The following AGBL4 variants were observed in gnomAD, a reference collection of about 807,000 sequenced individuals.
AGBL4 encodes the protein AGBL carboxypeptidase 4.
In AGBL4, 58 loss-of-function variants were observed where a neutral mutation model predicts 66.4. The observed-to-expected ratio is 0.87, with a 90% CI of 0.71 to 1.09. AGBL4 has a LOEUF of 1.09. Among genes scored for constraint, AGBL4 ranks in the 50% least tolerant of loss-of-function variants. The probability of loss-of-function intolerance (pLI) is 0.00; values close to 1 mark genes in which losing one functional copy is unlikely to be tolerated. For missense variants in AGBL4, 579 were observed against 631.0 expected, an observed-to-expected ratio of 0.92 and a Z score of 0.88; for synonymous variants, 234 against 222.9, an observed-to-expected ratio of 1.05 and a Z score of -0.44.
At chr1:49,355,408 T>G (rs1643999010) in intron 3 of AGBL4, among the ~76,000 whole-genome samples, 1 of 152,186 alleles carries the variant, frequency 6.6e-6, no homozygotes. Flanking sequence ...TTCTTCTGAC[T>G]CTGCCTAACA....
At chr1:49,587,679 G>A (rs1644677263) in intron 3 of AGBL4, among the ~76,000 whole-genome samples, 1 of 151,936 alleles carries the variant, frequency 6.6e-6, no homozygotes, top group African/African-American at 2.4e-5. Flanking sequence ...ACAGTTCCTT[G>A]GCAACACAAC....
chr1:48,662,346 G>A (rs911707016), intron 7 of AGBL4, among the ~76,000 whole-genome samples: 1 of 152,166 alleles, frequency 6.6e-6, no homozygotes, highest in African/African-American at 2.4e-5. Context: ...GCTGGAAAGT[G>A]GCACAGCCAA....
At chr1:48,877,666 C>A (rs1384801204) in intron 5 of AGBL4, among the ~76,000 whole-genome samples, 1 of 152,124 alleles carries the variant, frequency 6.6e-6, no homozygotes, top group African/African-American at 2.4e-5. Flanking sequence ...ACTCACAATT[C>A]ATATCCTTAG....
chr1:49,146,160 AC>A (rs2148108889), intron 4 of AGBL4, among the ~76,000 whole-genome samples: 1 of 152,304 alleles, frequency 6.6e-6, no homozygotes, highest in East Asian at 1.9e-4. Flanking sequence ...GGTACAAAAA[AC>A]AAATTGAATA....
At chr1:48,770,473 C>G (rs1644756672) in intron 6 of AGBL4, among the ~76,000 whole-genome samples, 1 of 152,086 alleles carries the variant, frequency 6.6e-6, no homozygotes, top group Non-Finnish European at 1.5e-5. Flanking sequence ...TCAGGCTCTT[C>G]TTTAACTGTG....
chr1:49,052,547 T>G (rs769393881), intron 4 of AGBL4, among the ~76,000 whole-genome samples: 2 of 152,186 alleles, frequency 1.3e-5, no homozygotes, highest in African/African-American at 2.4e-5. Flanking sequence ...GGACTGTGTT[T>G]TCAAAACTGT....
chr1:48,820,333 A>C (rs780433613), intron 6 of AGBL4, among the ~76,000 whole-genome samples: 3 of 152,136 alleles, frequency 2.0e-5, no homozygotes, highest in Non-Finnish European at 4.4e-5. Flanking sequence ...GTGATGGTTA[A>C]TTTTATGTGT....
intron 3 of AGBL4, among the ~76,000 whole-genome samples, chr1:49,574,954 T>A (rs1644407240): frequency 6.6e-6 from 1 of 152,006 alleles, no homozygotes; most frequent in Non-Finnish European, 1.5e-5. Context: ...CTCAATCAAT[T>A]TCTAGACTTG....
chr1:48,976,088 A>T (rs1168696974), intron 5 of AGBL4, among the ~76,000 whole-genome samples: 1 of 152,164 alleles, frequency 6.6e-6, no homozygotes, highest in Non-Finnish European at 1.5e-5. Flanking sequence ...GAATATTGTT[A>T]TCAGGGAGAT....
intron 2 of AGBL4, among the ~76,000 whole-genome samples, chr1:49,820,083 A>T (rs1645329827): frequency 1.3e-5 from 2 of 152,180 alleles, no homozygotes; most frequent in African/African-American, 4.8e-5. Flanking sequence ...AAGGAGTTGC[A>T]TGAGCTTGAA....
At chr1:49,895,103 T>A (rs1201684504) in intron 1 of AGBL4, among the ~76,000 whole-genome samples, 1 of 151,620 alleles carries the variant, frequency 6.6e-6, no homozygotes, top group African/African-American at 2.4e-5. Flanking sequence ...GACAGTGGCA[T>A]GACATATTTA....
chr1:48,842,805 G>T (rs775474812), intron 6 of AGBL4, among the ~76,000 whole-genome samples: 5 of 151,990 alleles, frequency 3.3e-5, no homozygotes, highest in Non-Finnish European at 7.4e-5. Context: ...AGCAAAATTT[G>T]GTGTACAGAT....
intron 2 of AGBL4, among the ~76,000 whole-genome samples, chr1:49,838,144 C>T (rs1645899787): frequency 6.6e-6 from 1 of 152,184 alleles, no homozygotes; most frequent in South Asian, 2.1e-4. Flanking sequence ...AAAAATAACA[C>T]AGAGATTAAC....
intron 3 of AGBL4, among the ~76,000 whole-genome samples, chr1:49,574,159 C>T (rs898591486): frequency 5.9e-5 from 9 of 152,094 alleles, no homozygotes; most frequent in African/African-American, 1.9e-4. Flanking sequence ...GTGCTACACT[C>T]GAACTGTTTC....
chr1:49,796,698 T>C (rs903339127), intron 2 of AGBL4, among the ~76,000 whole-genome samples: 2 of 151,732 alleles, frequency 1.3e-5, no homozygotes, highest in Non-Finnish European at 2.9e-5. Context: ...AATATGCAGG[T>C]TATTAGAATT....
At chr1:48,948,141 C>T (rs917310853) in intron 5 of AGBL4, among the ~76,000 whole-genome samples, 1 of 152,142 alleles carries the variant, frequency 6.6e-6, no homozygotes, top group Non-Finnish European at 1.5e-5. Context: ...TACAAATGTA[C>T]AAAGGGATAC....
chr1:49,554,838 T>C (rs1330082537), intron 3 of AGBL4, among the ~76,000 whole-genome samples: 1 of 152,144 alleles, frequency 6.6e-6, no homozygotes, highest in Non-Finnish European at 1.5e-5. Context: ...GCTGCAGACC[T>C]TCGGGTGAGT....
At chr1:49,775,217 G>A (rs945021544) in intron 2 of AGBL4, among the ~76,000 whole-genome samples, 4 of 152,242 alleles carry the variant, frequency 2.6e-5, no homozygotes, top group African/African-American at 7.2e-5. Context: ...TCCACTTAAC[G>A]TTAGGTAAAT....
At chr1:49,808,865 A>G (rs1208451697) in intron 2 of AGBL4, among the ~76,000 whole-genome samples, 2 of 152,196 alleles carry the variant, frequency 1.3e-5, no homozygotes, top group African/African-American at 2.4e-5. Context: ...ATGGTAATTT[A>G]CCTTCACATT....
Sources: allele counts gnomAD v4.1 joint callset (sites outside exome capture counted in the v4.1 genomes callset), GRCh38; gene constraint gnomAD v4.1.1; transcripts MANE v1.5; gene names NCBI Gene and HGNC (gene_info 2026-07-23, HGNC 2026-07-21).